A1CF: variants seen among roughly 807,000 people sequenced by gnomAD.
The protein encoded by A1CF is APOBEC-1 stimulating protein.
In A1CF, 48 loss-of-function variants were observed where a neutral mutation model predicts 68.9. The ratio of observed to expected loss-of-function variants is 0.70; its 90% CI spans 0.55 to 0.89. A1CF has a LOEUF of 0.89. A1CF is among the 40% of genes least tolerant of loss of function. The probability of loss-of-function intolerance (pLI) is 0.00; values close to 1 mark genes in which losing one functional copy is unlikely to be tolerated. For synonymous variants in A1CF, 272 were observed against 260.4 expected (o/e 1.04, Z -0.43); for missense variants, 653 against 718.9 (o/e 0.91, Z 1.05).
chr10:50,818,646 A>G (rs1237324175), intron 8 of A1CF, among the ~76,000 whole-genome samples: 3 of 152,206 alleles, frequency 2.0e-5, no homozygotes, highest in Non-Finnish European at 4.4e-5. Context: ...CTTTTATGAT[A>G]CTAAATGTGA....
At chr10:50,881,052 C>T (rs778364828) in intron 1 of A1CF, among the ~76,000 whole-genome samples, 5 of 151,222 alleles carry the variant, frequency 3.3e-5, no homozygotes, top group South Asian at 2.1e-4. Context: ...TGCAATGGTG[C>T]GATCTCGGCT....
chr10:50,807,979 T>C (rs1283697675), intron 12 of A1CF, among the ~76,000 whole-genome samples: 1 of 152,234 alleles, frequency 6.6e-6, no homozygotes, highest in Non-Finnish European at 1.5e-5. Flanking sequence ...GTAATGCTGA[T>C]TAATGCACTA....
intron 3 of A1CF, chr10:50,850,851 C>G: frequency 1.9e-6 from 3 of 1,551,566 alleles, no homozygotes; most frequent in Non-Finnish European, 2.6e-6. Flanking sequence ...ATTCCTTAAT[C>G]CGTTTGGAGC....
intron 3 of A1CF, among the ~76,000 whole-genome samples, chr10:50,856,707 T>G (rs1365053991): frequency 1.3e-5 from 2 of 152,148 alleles, no homozygotes; most frequent in South Asian, 4.1e-4. Context: ...ATAAACATAG[T>G]AGCTATCACA....
In A1CF at chr10:50,814,020, C is replaced by T. The variant is rs756252143; in HGVS notation, c.1160G>A (p.Gly387Glu). Reference protein sequence around the residue: ...PSVRGAAGVRGLGGRGYLAYT... With the variant: ...PSVRGAAGVRELGGRGYLAYT... ...TGCCAAATAGCCACGGCCGCCCAGT[C>T]CTCTCACTCCCGCAGCCCCTACAGG... is the stretch of plus-strand genomic sequence containing the variant. Residue 387 changes from glycine to glutamate, a missense_variant, in exon 10 of 13, where the codon GGA becomes GAA. Coordinates refer to ENST00000373997, the MANE Select transcript of A1CF (RefSeq NM_014576.4). 1.9e-6 allele frequency: 3 copies of T among 1,613,654 alleles called. No individual in the cohort carries two copies. Among genetic ancestry groups the T allele is most frequent in the Admixed American group, 3.3e-5 (2 of 59,972 alleles).
At chr10:50,880,709 G>T (rs1052108723) in intron 1 of A1CF, among the ~76,000 whole-genome samples, 1 of 152,170 alleles carries the variant, frequency 6.6e-6, no homozygotes, top group Admixed American at 6.5e-5. Context: ...GGAAAGATAA[G>T]CACTAAGCAG....
chr10:50,869,465 A>G (rs1841149863), intron 1 of A1CF, among the ~76,000 whole-genome samples: 1 of 151,992 alleles, frequency 6.6e-6, no homozygotes, highest in Admixed American at 6.6e-5. Context: ...GAGCTCTTTT[A>G]TATTGCCTTA....
intron 11 of A1CF, among the ~76,000 whole-genome samples, chr10:50,810,493 T>C (rs1009195836): frequency 3.3e-5 from 5 of 152,000 alleles, no homozygotes; most frequent in Admixed American, 6.6e-5. Context: ...TATAGCTTTG[T>C]TTGTTTGAAA....
At chr10:50,865,290 C>T (rs1485235377) in intron 1 of A1CF, among the ~76,000 whole-genome samples, 1 of 146,894 alleles carries the variant, frequency 6.8e-6, no homozygotes, top group Non-Finnish European at 1.5e-5. Context: ...GCTGCTGCTG[C>T]TGCTATTACT....
chr10:50,846,789 T>G (rs985205456), intron 3 of A1CF, among the ~76,000 whole-genome samples: 11 of 152,224 alleles, frequency 7.2e-5, no homozygotes, highest in Non-Finnish European at 1.3e-4. Context: ...TTAATTGTCT[T>G]TCTTTGTTTT....
At chr10:50,816,841 G>A (rs898459004) in intron 8 of A1CF, among the ~76,000 whole-genome samples, 6 of 152,210 alleles carry the variant, frequency 3.9e-5, no homozygotes, top group Non-Finnish European at 7.3e-5. Context: ...GGAGAAGAGA[G>A]ACATACTGTG....
At chr10:50,815,154 G>C (rs369194857) in intron 9 of A1CF, among the ~76,000 whole-genome samples, 4 of 152,234 alleles carry the variant, frequency 2.6e-5, no homozygotes, top group African/African-American at 9.6e-5. Flanking sequence ...GATTCATGTC[G>C]TATTTGGAGG....
intron 3 of A1CF, among the ~76,000 whole-genome samples, chr10:50,846,354 G>A (rs1022737451): frequency 3.9e-5 from 6 of 152,152 alleles, no homozygotes; most frequent in Non-Finnish European, 2.9e-5. Context: ...AAATACTTCT[G>A]GTCCTAAGCA....
chr10:50,866,408 A>G (rs991498546), intron 1 of A1CF, among the ~76,000 whole-genome samples: 1 of 152,202 alleles, frequency 6.6e-6, no homozygotes, highest in African/African-American at 2.4e-5. Context: ...AGGGATTGGA[A>G]TGAATAGCTC....
intron 1 of A1CF, among the ~76,000 whole-genome samples, chr10:50,878,744 C>T (rs1013753265): frequency 4.6e-5 from 7 of 152,064 alleles, no homozygotes; most frequent in African/African-American, 1.7e-4. Flanking sequence ...TCTTAAGGGT[C>T]CATATAATGG....
chr10:50,853,803 T>TA (rs1328338732), intron 3 of A1CF, among the ~76,000 whole-genome samples: 4,666 of 147,820 alleles, frequency 0.032, 218 homozygotes, highest in African/African-American at 0.11. Flanking sequence ...GGCTTTTTTT[T>TA]AAAAAAAATG....
At chr10:50,870,891 TG>T (rs1186557955) in intron 1 of A1CF, among the ~76,000 whole-genome samples, 1 of 151,628 alleles carries the variant, frequency 6.6e-6, no homozygotes, top group Non-Finnish European at 1.5e-5. Flanking sequence ...TAATATACAA[TG>T]AACAAGATGG....
At chr10:50,822,650 A>G (rs912552983) in intron 7 of A1CF, 1 of 152,222 alleles carries the variant, frequency 6.6e-6, no homozygotes, top group Non-Finnish European at 1.5e-5. Context: ...GAGCAAAATT[A>G]TCTGGCCAGG....
rs962440791 is a variant in A1CF at position 50,802,160 on chromosome 10, G to T, written c.*4569C>A. 1 of 152,074 alleles carries T rather than the reference G, an allele frequency of 6.6e-6. No homozygotes were observed. The highest frequency in any genetic ancestry group is 2.4e-5 in the African/African-American group (1 of 41,420). 9.4% of individuals were successfully genotyped at this position (152,074 alleles called of 1,614,324 possible). On this transcript the variant is annotated 3_prime_UTR_variant, in exon 13 of 13. Coordinates refer to ENST00000373997, the MANE Select transcript of A1CF (RefSeq NM_014576.4). ...TTTCCTTAGTTTCACTCATTATAGCGCAACTTACTTTGTTTTTCTAATGTT... is the reference window on the plus strand; with the variant it reads ...TTTCCTTAGTTTCACTCATTATAGCTCAACTTACTTTGTTTTTCTAATGTT...
Sources: allele counts gnomAD v4.1 joint callset (sites outside exome capture counted in the v4.1 genomes callset), GRCh38; gene constraint gnomAD v4.1.1; transcripts MANE v1.5; gene names NCBI Gene and HGNC (gene_info 2026-07-23, HGNC 2026-07-21).